RELN: variants seen among roughly 807,000 people sequenced by gnomAD.
RELN encodes the protein reelin.
Under a neutral mutation model 427.6 loss-of-function variants are expected in RELN, and 108 were observed. The observed-to-expected ratio is 0.25, with a 90% CI of 0.22 to 0.30. The LOEUF is 0.30. Among genes scored for constraint, RELN ranks in the 10% least tolerant of loss-of-function variants. The pLI is 1.00. For missense variants in RELN, 3,715 were observed against 4,302.8 expected, an observed-to-expected ratio of 0.86 and a Z score of 3.82; for synonymous variants, 1,524 against 1,513.4, an observed-to-expected ratio of 1.01 and a Z score of -0.16.
chr7:103,854,384 T>C (rs760302056), intron 2 of RELN, among the ~76,000 whole-genome samples: 20 of 152,234 alleles, frequency 1.3e-4, no homozygotes, highest in Admixed American at 4.6e-4. Context: ...TCTGATCAAA[T>C]GTAGGCTGCT....
chr7:103,833,471 T>C (rs1026261744), intron 3 of RELN, 66 bp downstream of exon 3: 15 of 1,343,066 alleles, frequency 1.1e-5, no homozygotes, highest in African/African-American at 1.4e-5. Context: ...TTACTCTATA[T>C]GTAATCCCAT....
rs756011511 is a variant in RELN at position 103,636,210 on chromosome 7, T to G, written c.2303+25A>C. 2.3e-5 allele frequency: 34 copies of G among 1,460,084 alleles called. No individual in the cohort carries two copies. The South Asian group carries it at 3.9e-4, about 17-fold the overall frequency. The allele number at this position is 1,460,084 out of a possible 1,614,324, so 90.4% of individuals were successfully genotyped here. ...TCAACATTAGTATCTGGTTTTTGTA[T>G]GTATTCTACCCTGCCTTCACTCACC... On this transcript the variant is annotated intron_variant, in intron 18 of 64. Transcript: ENST00000428762.
intron 1 of RELN, among the ~76,000 whole-genome samples, chr7:103,974,460 A>G (rs186492687): frequency 1.4e-5 from 2 of 139,092 alleles, no homozygotes; most frequent in East Asian, 4.1e-4. Context: ...AAATATCTAA[A>G]TATGTTATGG....
intron 1 of RELN, among the ~76,000 whole-genome samples, chr7:103,978,320 A>ACC (rs1796923778): frequency 6.6e-6 from 1 of 151,932 alleles, no homozygotes; most frequent in South Asian, 2.1e-4. Context: ...ATCATGTGAT[A>ACC]TTTGTCTTTC....
rs373163812 is a variant in RELN, at chr7:103,871,524, G to C, written c.338-37852C>G. ...TTAATAGGACAGTCATGGATTTTTA[G>C]GTCTCTAGTTTCAGAGGAAGCATGA... On this transcript the variant is annotated intron_variant, in intron 2 of 64. Transcript: ENST00000428762. Among the ~76,000 whole-genome samples, 39 of 152,154 alleles carry C rather than the reference G, an allele frequency of 2.6e-4. 1 individual carries two copies. Among genetic ancestry groups the C allele is most frequent in the East Asian group, 2.5e-3 (13 of 5,172 alleles).
At chr7:103,752,179 T>C (rs967695782) in intron 5 of RELN, among the ~76,000 whole-genome samples, 13 of 152,204 alleles carry the variant, frequency 8.5e-5, no homozygotes, top group Admixed American at 1.3e-4. Flanking sequence ...GATACTATTA[T>C]TAATTCTACT....
At chr7:103,641,325 C>A (rs925154033) in intron 16 of RELN, among the ~76,000 whole-genome samples, 1 of 152,168 alleles carries the variant, frequency 6.6e-6, no homozygotes, top group Non-Finnish European at 1.5e-5. Context: ...ATTTTCTTCT[C>A]TGTCCTGTAG....
At chr7:103,886,092 G>A (rs924299749) in intron 2 of RELN, among the ~76,000 whole-genome samples, 2 of 152,124 alleles carry the variant, frequency 1.3e-5, no homozygotes, top group African/African-American at 4.8e-5. Context: ...TATGAGTTGT[G>A]TTTATGAACA....
In RELN at chr7:103,575,832, GCA is replaced by G. The variant is rs1180014885; in HGVS notation, c.4146-129_4146-128del. Reference sequence around the variant, plus strand: ...ATTTGAAAGTCATGTCTGCTTGACTGCACTTAACCTTCATAAGCTGTCTCTCA... The same window carrying G: ...ATTTGAAAGTCATGTCTGCTTGACTGCTTAACCTTCATAAGCTGTCTCTCA... On this transcript the variant is annotated intron_variant, in intron 28 of 64. Coordinates refer to ENST00000428762, the MANE Select transcript of RELN (RefSeq NM_005045.4). The G allele has an allele frequency of 2.9e-6, 3 of 1,020,410 alleles. No homozygotes were observed. The Admixed American group carries it at 5.6e-5, about 19-fold the overall frequency. 63.2% of individuals were successfully genotyped at this position (1,020,410 alleles called of 1,614,324 possible).
intron 41 of RELN, among the ~76,000 whole-genome samples, chr7:103,548,119 G>A (rs1317503649): frequency 2.6e-5 from 4 of 152,140 alleles, no homozygotes; most frequent in African/African-American, 9.7e-5. Flanking sequence ...AAACAATCAG[G>A]AACTTTTAAA....
chr7:103,587,275 G>A (rs1437330875), intron 28 of RELN, among the ~76,000 whole-genome samples: 1 of 152,102 alleles, frequency 6.6e-6, no homozygotes, highest in Non-Finnish European at 1.5e-5. Context: ...AACTTACACT[G>A]GGGAAAGGAC....
intron 2 of RELN, among the ~76,000 whole-genome samples, chr7:103,898,306 G>C (rs559532907): frequency 1.3e-5 from 2 of 151,946 alleles, no homozygotes; most frequent in African/African-American, 4.8e-5. Context: ...TTTAATGAGA[G>C]TATACTAGTC....
chr7:103,760,722 TC>T (rs773650045), intron 4 of RELN, among the ~76,000 whole-genome samples: 27 of 152,254 alleles, frequency 1.8e-4, no homozygotes, highest in Admixed American at 9.8e-4. Flanking sequence ...GGACTATATC[TC>T]CTGAATCATT....
intron 41 of RELN, among the ~76,000 whole-genome samples, chr7:103,549,964 A>G (rs748300139): frequency 5.3e-5 from 8 of 152,138 alleles, no homozygotes; most frequent in Non-Finnish European, 1.0e-4. Context: ...TATTCCTATG[A>G]TCTCCAGAGA....
At chr7:103,790,962 AAAAC>A (rs576419480) in intron 3 of RELN, among the ~76,000 whole-genome samples, 35 of 152,228 alleles carry the variant, frequency 2.3e-4, no homozygotes, top group East Asian at 9.7e-4. Context: ...CTCTGTCTCA[AAAAC>A]AAACAAACAA....
chr7:103,952,371 A>C (rs1360092328), intron 1 of RELN, among the ~76,000 whole-genome samples: 2 of 152,204 alleles, frequency 1.3e-5, no homozygotes, highest in African/African-American at 4.8e-5. Flanking sequence ...ACTGTGCAAT[A>C]TTACTTTTTA....
chr7:103,917,184 C>T lies in RELN; in HGVS notation c.228G>A (p.Val76=). 1 of 1,610,110 alleles carries T rather than the reference C, an allele frequency of 6.2e-7. No individual in the cohort carries two copies. The highest frequency in any genetic ancestry group is 8.5e-7 in the Non-Finnish European group (1 of 1,176,942). The stretch of plus-strand genomic sequence containing the variant: ...CAAAAAAGGTGCTTGTTGAAATTGT[C>T]ACTGAAATGTAAGAAAGAAAAAAAA... ...TYYVPGQEYH[V]TISTSTFFDG... is the part of the protein sequence containing the mutation. The change falls in exon 2 of 65, where the codon GTG becomes GTA. Residue 76 remains valine, a splice_region_variant and synonymous_variant. Transcript: ENST00000428762.
intron 2 of RELN, among the ~76,000 whole-genome samples, chr7:103,886,405 A>C (rs2116576586): frequency 6.6e-6 from 1 of 152,258 alleles, no homozygotes; most frequent in South Asian, 2.1e-4. Flanking sequence ...TGGAGAAGGG[A>C]TTTATCCATA....
At chr7:103,887,429 G>C (rs1236180856) in intron 2 of RELN, among the ~76,000 whole-genome samples, 1 of 152,216 alleles carries the variant, frequency 6.6e-6, no homozygotes, top group Non-Finnish European at 1.5e-5. Context: ...TTGCAGAAGA[G>C]AGGGAAGTTT....
Sources: allele counts gnomAD v4.1 joint callset (sites outside exome capture counted in the v4.1 genomes callset), GRCh38; gene constraint gnomAD v4.1.1; transcripts MANE v1.5; gene names NCBI Gene and HGNC (gene_info 2026-07-23, HGNC 2026-07-21).